Variants in FAM107B observed in about 807,000 individuals in gnomAD.
FAM107B encodes family with sequence similarity 107 member B.
A neutral mutation model predicts 31.5 loss-of-function variants in FAM107B; 21 were observed. That is an observed-to-expected ratio of 0.67 (90% CI 0.47 to 0.96). The LOEUF is 0.96. FAM107B is among the 40% of genes least tolerant of loss of function. The probability of loss-of-function intolerance (pLI) is 0.00; values close to 1 mark genes in which losing one functional copy is unlikely to be tolerated. For missense variants in FAM107B, 452 were observed against 377.1 expected, an observed-to-expected ratio of 1.20 and a Z score of -1.64; for synonymous variants, 157 against 141.5, an observed-to-expected ratio of 1.11 and a Z score of -0.78.
intron 1 of FAM107B, among the ~76,000 whole-genome samples, chr10:14,702,575 C>G (rs868532891): frequency 1.3e-5 from 2 of 152,266 alleles, no homozygotes; most frequent in Non-Finnish European, 2.9e-5. Context: ...TTCTCAAACT[C>G]CTGACCTCAG....
At chr10:14,562,409 G>A (rs1850320531) in intron 2 of FAM107B, among the ~76,000 whole-genome samples, 1 of 152,226 alleles carries the variant, frequency 6.6e-6, no homozygotes, top group Non-Finnish European at 1.5e-5. Context: ...AGAAGTCAGT[G>A]ATAATGTCTT....
At chr10:14,635,095 A>AAAAAG (rs1419565193) in intron 2 of FAM107B, among the ~76,000 whole-genome samples, 1 of 151,754 alleles carries the variant, frequency 6.6e-6, no homozygotes, top group East Asian at 1.9e-4. Context: ...TATCTCCAAA[A>AAAAAG]AAAAGAAAAG....
At chr10:14,716,937 A>G (rs1477283302) in intron 1 of FAM107B, among the ~76,000 whole-genome samples, 1 of 152,028 alleles carries the variant, frequency 6.6e-6, no homozygotes, top group Non-Finnish European at 1.5e-5. Context: ...TAAAAATACA[A>G]AAATAATCTG....
chr10:14,641,100 C>T (rs138921423), intron 2 of FAM107B, among the ~76,000 whole-genome samples: 9 of 152,258 alleles, frequency 5.9e-5, no homozygotes, highest in Non-Finnish European at 1.0e-4. Context: ...AAGGGGAAAA[C>T]GTGCTTTCAC....
At chr10:14,572,999 G>A (rs1851333765) in intron 2 of FAM107B, among the ~76,000 whole-genome samples, 1 of 151,852 alleles carries the variant, frequency 6.6e-6, no homozygotes, top group Non-Finnish European at 1.5e-5. Flanking sequence ...CAGCAAGAGT[G>A]GAATTACCAT....
intron 2 of FAM107B, among the ~76,000 whole-genome samples, chr10:14,617,612 A>G (rs926226209): frequency 6.6e-6 from 1 of 152,214 alleles, no homozygotes; most frequent in African/African-American, 2.4e-5. Context: ...GACAAAAGTA[A>G]AACTGTGTGC....
intron 2 of FAM107B, among the ~76,000 whole-genome samples, chr10:14,643,052 G>T (rs1301198391): frequency 6.6e-6 from 1 of 152,048 alleles, no homozygotes; most frequent in African/African-American, 2.4e-5. Flanking sequence ...CCACTACTTG[G>T]TTCCAAAATT....
chr10:14,656,764 GT>G (rs1854067776), intron 2 of FAM107B, among the ~76,000 whole-genome samples: 1 of 152,230 alleles, frequency 6.6e-6, no homozygotes, highest in Non-Finnish European at 1.5e-5. Flanking sequence ...AAGTGAAAGA[GT>G]GTAGAAACGC....
At position 14,739,616 on chromosome 10, in the gene FAM107B, G is replaced by GATGAATGA. The variant is rs111924452; in HGVS notation, c.411+34629_411+34636dup. The stretch of plus-strand genomic sequence containing the variant: ...TGCCTGGCATATAGTAAGTGTTCAT[G>GATGAATGA]ATGAATGAATGAATGAATGAATGAG... On this transcript the variant is annotated intron_variant, in intron 1 of 4. Coordinates refer to ENST00000181796, the MANE Select transcript of FAM107B (RefSeq NM_031453.4). Among the ~76,000 whole-genome samples, 197 of 152,044 alleles carry GATGAATGA rather than the reference G, an allele frequency of 1.3e-3. 1 individual carries two copies. Among genetic ancestry groups the GATGAATGA allele is most frequent in the African/African-American group, 4.2e-3 (172 of 41,338 alleles).
chr10:14,553,407 TG>T, intron 2 of FAM107B: 1 of 1,230,840 alleles, frequency 8.1e-7, no homozygotes, highest in Non-Finnish European at 1.1e-6. Context: ...AAAAACATAG[TG>T]AAAGTCAGTT....
intron 2 of FAM107B, among the ~76,000 whole-genome samples, chr10:14,667,340 A>C (rs1414475375): frequency 6.6e-6 from 1 of 152,194 alleles, no homozygotes; most frequent in African/African-American, 2.4e-5. Context: ...AGCGTTACTG[A>C]ATTTGAAATT....
intron 2 of FAM107B, among the ~76,000 whole-genome samples, chr10:14,637,668 G>T (rs578001540): frequency 2.0e-5 from 3 of 152,180 alleles, no homozygotes; most frequent in East Asian, 1.9e-4. Context: ...GATGGCAAGG[G>T]TGACAGGATG....
intron 2 of FAM107B, among the ~76,000 whole-genome samples, chr10:14,592,628 T>C (rs1173430510): frequency 1.3e-5 from 2 of 152,240 alleles, no homozygotes; most frequent in African/African-American, 2.4e-5. Flanking sequence ...GTGCATGCAT[T>C]ACATGTACAG....
chr10:14,700,078 G>T (rs558450865), intron 1 of FAM107B, among the ~76,000 whole-genome samples: 8 of 151,988 alleles, frequency 5.3e-5, no homozygotes, highest in Non-Finnish European at 1.2e-4. Context: ...GATTACAGGC[G>T]TGTGCCACCA....
At chr10:14,712,626 A>AAAAAAAAAAAAAAAAAAAG (rs1554851690) in intron 1 of FAM107B, among the ~76,000 whole-genome samples, 1 of 146,852 alleles carries the variant, frequency 6.8e-6, no homozygotes, top group Non-Finnish European at 1.5e-5. Flanking sequence ...AACAAAAAAA[A>AAAAAAAAAAAAAAAAAAAG]AAGAAGAAGA....
intron 1 of FAM107B, chr10:14,724,203 T>A (rs1044815441): frequency 6.3e-5 from 26 of 409,594 alleles, no homozygotes; most frequent in Admixed American, 4.2e-4. Flanking sequence ...TGTCTTATAT[T>A]TAGGTCTTCT....
chr10:14,737,350 A>G (rs1425536826), intron 1 of FAM107B, among the ~76,000 whole-genome samples: 3 of 152,246 alleles, frequency 2.0e-5, no homozygotes, highest in Middle Eastern at 3.4e-3. Context: ...GGCCAGGTGC[A>G]GTGACTCATG....
intron 2 of FAM107B, among the ~76,000 whole-genome samples, chr10:14,591,015 C>T (rs1435810433): frequency 6.7e-6 from 1 of 149,312 alleles, no homozygotes; most frequent in African/African-American, 2.5e-5. Flanking sequence ...AAAAAAAGAT[C>T]CATTTCTTCC....
At chr10:14,695,279 T>G (rs1855238453) in intron 1 of FAM107B, among the ~76,000 whole-genome samples, 1 of 150,984 alleles carries the variant, frequency 6.6e-6, no homozygotes, top group Non-Finnish European at 1.5e-5. Context: ...TGTGTTCTCT[T>G]GATGCCTTTT....
Sources: gnomAD v4.1 joint callset for allele counts (sites outside exome capture counted in the v4.1 genomes callset) on GRCh38, gnomAD v4.1.1 for gene constraint, MANE v1.5 for transcripts, NCBI Gene and HGNC (gene_info 2026-07-23, HGNC 2026-07-21) for gene names.